RAD51C: variants seen among roughly 807,000 people sequenced by gnomAD.
RAD51C encodes RAD51 paralog C.
A neutral mutation model predicts 45.0 loss-of-function variants in RAD51C; 42 were observed. The ratio of observed to expected loss-of-function variants is 0.93; its 90% CI spans 0.73 to 1.21. RAD51C has a LOEUF of 1.21. Among genes scored for constraint, RAD51C ranks in the 50% most tolerant of loss-of-function variants. The pLI is 0.00. For missense variants in RAD51C, 474 were observed against 452.2 expected (o/e 1.05, Z -0.44); for synonymous variants, 172 against 159.8 (o/e 1.08, Z -0.58).
chr17:58,693,564 G>T (rs749448058), intron 1 of RAD51C: 1 of 152,162 alleles, frequency 6.6e-6, no homozygotes, highest in Non-Finnish European at 1.5e-5. Flanking sequence ...AGCCTTAACT[G>T]TTTAAGTCAT....
At chr17:58,707,530 A>C (rs1204950808) in intron 4 of RAD51C, among the ~76,000 whole-genome samples, 1 of 151,988 alleles carries the variant, frequency 6.6e-6, no homozygotes, top group Non-Finnish European at 1.5e-5. Flanking sequence ...TGAAAAAAAA[A>C]AAAAGCCTCA....
intron 3 of RAD51C, among the ~76,000 whole-genome samples, chr17:58,697,308 C>A (rs374072139): frequency 6.6e-6 from 1 of 152,014 alleles, no homozygotes; most frequent in Non-Finnish European, 1.5e-5. Flanking sequence ...GAGGCCAAGG[C>A]GGGTGGATCA....
intron 4 of RAD51C, among the ~76,000 whole-genome samples, chr17:58,705,656 G>T (rs1015369691): frequency 6.6e-6 from 1 of 151,996 alleles, no homozygotes; most frequent in Admixed American, 6.6e-5. Flanking sequence ...TTACAAGGAC[G>T]CTAATCATCT....
At chr17:58,706,382 A>G (rs1486380822) in intron 4 of RAD51C, 5 of 249,888 alleles carry the variant, frequency 2.0e-5, no homozygotes, top group Non-Finnish European at 2.6e-5. Context: ...GTGACATGAG[A>G]TCATGCCACT....
chr17:58,710,777 A>T (rs2048532343), intron 5 of RAD51C, among the ~76,000 whole-genome samples: 1 of 152,090 alleles, frequency 6.6e-6, no homozygotes, highest in South Asian at 2.1e-4. Context: ...ATCGGCTCAG[A>T]AGGGAAGAGA....
chr17:58,699,859 T>C (rs187306687), intron 3 of RAD51C: 1 of 151,582 alleles, frequency 6.6e-6, no homozygotes, highest in Admixed American at 6.6e-5. Context: ...GCTCAAATCT[T>C]TTTTTTTTGA....
At chr17:58,713,299 G>A (rs2048622268) in intron 5 of RAD51C, among the ~76,000 whole-genome samples, 1 of 151,896 alleles carries the variant, frequency 6.6e-6, no homozygotes, top group South Asian at 2.1e-4. Context: ...GTATTTTGCT[G>A]TATGACTGTA....
intron 5 of RAD51C, among the ~76,000 whole-genome samples, chr17:58,713,425 C>T (rs2048626712): frequency 6.6e-6 from 1 of 152,062 alleles, no homozygotes; most frequent in South Asian, 2.1e-4. Flanking sequence ...ACTGTAGCCT[C>T]AATCTCCTGG....
chr17:58,721,255 C>CT (rs1349079175), intron 6 of RAD51C, among the ~76,000 whole-genome samples: 1 of 152,114 alleles, frequency 6.6e-6, no homozygotes, highest in East Asian at 1.9e-4. Flanking sequence ...GCACTCCAGC[C>CT]TGGGGGACAG....
intron 7 of RAD51C, among the ~76,000 whole-genome samples, chr17:58,726,260 T>C (rs891733050): frequency 6.6e-6 from 1 of 151,602 alleles, no homozygotes; most frequent in Admixed American, 6.6e-5. Context: ...CTATTATTAT[T>C]AAAAGAAAAC....
chr17:58,701,588 T>C (rs1346213554), intron 3 of RAD51C, among the ~76,000 whole-genome samples: 4 of 150,892 alleles, frequency 2.7e-5, no homozygotes, highest in Admixed American at 2.0e-4. Context: ...TTTTTTTTTC[T>C]GAGACAGAGT....
At chr17:58,715,148 A>C (rs1280180587) in intron 5 of RAD51C, among the ~76,000 whole-genome samples, 6 of 151,906 alleles carry the variant, frequency 3.9e-5, no homozygotes, top group Non-Finnish European at 7.4e-5. Context: ...AAAAAACAAA[A>C]AAAAACAAAA....
chr17:58,700,395 CTAGAG>C (rs1250376021), intron 3 of RAD51C: 2 of 152,052 alleles, frequency 1.3e-5, no homozygotes, highest in South Asian at 4.1e-4. Context: ...CTTACTGTAA[CTAGAG>C]TAGGTGTAGC....
chr17:58,715,209 TG>T (rs1165993173), intron 5 of RAD51C, among the ~76,000 whole-genome samples: 1 of 151,818 alleles, frequency 6.6e-6, no homozygotes, highest in Non-Finnish European at 1.5e-5. Context: ...TCCAGCACTT[TG>T]GGAGGCCAAG....
At chr17:58,732,623 C>T in intron 8 of RAD51C, 79 bp downstream of exon 8, 2 of 1,347,336 alleles carry the variant, frequency 1.5e-6, no homozygotes, top group Non-Finnish European at 2.1e-6. Flanking sequence ...CAACTTGCTT[C>T]TGTCAACTTC....
At position 58,734,185 on chromosome 17, in the gene RAD51C, C is replaced by T. The variant is rs755838887; in HGVS notation, c.1094C>T (p.Thr365Ile). 1.2e-6 allele frequency: 2 copies of T among 1,613,264 alleles called. No individual in the cohort carries two copies. The highest frequency in any genetic ancestry group is 2.2e-5 in the East Asian group (1 of 44,878). ...TTGCAAACAGAAGGTTCCTTGAGCA[C>T]CCGGAAACGGTCACGAGACCCAGAG... is the stretch of plus-strand genomic sequence containing the variant. ...CSLQTEGSLS[T>I]RKRSRDPEEE... The change falls in exon 9 of 9, where the codon ACC (threonine) becomes ATC (isoleucine). Residue 365 changes from threonine to isoleucine, a missense_variant. Coordinates refer to ENST00000337432, the MANE Select transcript of RAD51C (RefSeq NM_058216.3).
intron 5 of RAD51C, among the ~76,000 whole-genome samples, chr17:58,715,431 G>T (rs1429638718): frequency 1.4e-5 from 2 of 144,458 alleles, no homozygotes; most frequent in African/African-American, 5.2e-5. Context: ...TCCAGCCTGG[G>T]CAACAAGAGC....
intron 4 of RAD51C, among the ~76,000 whole-genome samples, chr17:58,707,656 C>A (rs917571151): frequency 8.5e-5 from 13 of 152,098 alleles, no homozygotes; most frequent in African/African-American, 3.1e-4. Flanking sequence ...TATAGTAGTA[C>A]CTTGCTTCTC....
At chr17:58,732,846 A>G in intron 8 of RAD51C, 1 of 336,492 alleles carries the variant, frequency 3.0e-6, no homozygotes, top group Non-Finnish European at 5.6e-6. Flanking sequence ...ATTTCCAGAA[A>G]AGAAAAAATA....
Sources: gnomAD v4.1 joint callset for allele counts (sites outside exome capture counted in the v4.1 genomes callset) on GRCh38, gnomAD v4.1.1 for gene constraint, MANE v1.5 for transcripts, NCBI Gene and HGNC (gene_info 2026-07-23, HGNC 2026-07-21) for gene names.